The following RBBP6 variants were observed in gnomAD, a reference collection of about 807,000 sequenced individuals.
RBBP6 encodes the protein E3 ubiquitin-protein ligase RBBP6.
In RBBP6, 25 loss-of-function variants were observed where a neutral mutation model predicts 167.7. The observed-to-expected ratio is 0.15, with a 90% confidence interval of 0.11 to 0.21. The LOEUF is 0.21. Among genes scored for constraint, RBBP6 ranks in the 10% least tolerant of loss-of-function variants. The pLI is 1.00. For missense variants in RBBP6, 1,868 were observed against 2,134.2 expected (o/e 0.88, Z 2.46); for synonymous variants, 789 against 735.8 (o/e 1.07, Z -1.17).
rs769052016 is a variant in RBBP6 at position 24,567,323 on chromosome 16, C to T, written c.1770C>T (p.Gly590=). ...AGTTTTCTCCTCAGTTTCCTCCTGG[C>T]CAGCCACCACCCGCTGGGTATAGTG... The part of the protein sequence containing the change: ...PPQFSPQFPP[G]QPPPAGYSVP... The change falls in exon 15 of 18, where the codon GGC becomes GGT. Residue 590 remains glycine, a synonymous_variant. Transcript: ENST00000319715. The T allele has an allele frequency of 1.9e-6, 3 of 1,614,024 alleles. No individual in the cohort carries two copies. In the South Asian group the frequency reaches 3.3e-5, roughly 18 times the overall value.
chr16:24,545,111 C>T (rs1023860286), intron 1 of RBBP6, among the ~76,000 whole-genome samples: 2 of 152,036 alleles, frequency 1.3e-5, no homozygotes, highest in African/African-American at 4.8e-5. Context: ...CAGAGTCTTG[C>T]TCTGTCACCA....
At chr16:24,563,054 T>G in intron 10 of RBBP6, 145 bp from the exon 11 acceptor site, 1 of 583,076 alleles carries the variant, frequency 1.7e-6, no homozygotes. Flanking sequence ...AGTTTCAGCC[T>G]TCTCTCACTT....
chr16:24,567,512 A>G lies in RBBP6; in HGVS notation c.1952+7A>G. On this transcript the variant is annotated splice_region_variant and intron_variant, in intron 15 of 17. Coordinates refer to ENST00000319715, the MANE Select transcript of RBBP6 (RefSeq NM_006910.5). ...AGCGACGACTAAAAGAAGAGTATGT[A>G]TTCTAATTTGAAATTATTATACACT... 1 of 1,587,250 alleles carries G rather than the reference A, an allele frequency of 6.3e-7. No individual in the cohort carries two copies. The highest frequency in any genetic ancestry group is 8.6e-7 in the Non-Finnish European group (1 of 1,167,414).
intron 7 of RBBP6, among the ~76,000 whole-genome samples, chr16:24,558,873 C>T (rs9926381): frequency 6.4e-4 from 97 of 152,136 alleles, no homozygotes; most frequent in African/African-American, 2.0e-3. Context: ...AATTGATTAA[C>T]CTCTCTTAAA....
rs1319101177 is a variant in RBBP6, at chr16:24,562,144, A to C, written c.1272A>C (p.Lys424Asn). The C allele has an allele frequency of 6.2e-7, 1 of 1,608,932 alleles. No individual in the cohort carries two copies. Among genetic ancestry groups the C allele is most frequent in the African/African-American group, 1.3e-5 (1 of 74,824 alleles). The change falls in exon 10 of 18, where the codon AAA (lysine) becomes AAC (asparagine). Residue 424 changes from lysine to asparagine, a missense_variant. Coordinates refer to ENST00000319715, the MANE Select transcript of RBBP6 (RefSeq NM_006910.5). ...TATCCATATCAGTTCATTCAGAAAA[A>C]TCAGATGGACCTTTTCGGTAAGCCT... ...ATVSISVHSE[K>N]SDGPFRDSDN...
In RBBP6 at chr16:24,571,792, G is replaced by T; in HGVS notation, c.4726G>T (p.Ala1576Ser). 6.2e-7 allele frequency: 1 copy of T among 1,613,926 alleles called. No individual in the cohort carries two copies. Among genetic ancestry groups the T allele is most frequent in the Non-Finnish European group, 8.5e-7 (1 of 1,179,874 alleles). The change falls in exon 18 of 18, where the codon GCA (alanine) becomes TCA (serine). Residue 1576 changes from alanine to serine, a missense_variant. Around this residue, in one of 7 missense-constraint regions of RBBP6, gnomAD observed 591 missense variants for 540.5 expected, o/e 1.09. Coordinates refer to ENST00000319715, the MANE Select transcript of RBBP6 (RefSeq NM_006910.5). The stretch of plus-strand genomic sequence containing the variant: ...GGATCGTGAGAAGCATGTATTAGAA[G>T]CAAGGAACAATAAAGAGTCAAGTGG... The part of the protein sequence containing the change: ...CKDREKHVLE[A>S]RNNKESSGNK...
At position 24,571,039 on chromosome 16, in the gene RBBP6, G is replaced by A. The variant is rs903913094; in HGVS notation, c.3973G>A (p.Asp1325Asn). The change falls in exon 18 of 18, where the codon GAC (aspartate) becomes AAC (asparagine). Residue 1325 changes from aspartate to asparagine, a missense_variant. Asp to Asn is a conservative substitution (Grantham distance 23, BLOSUM62 1). Coordinates refer to ENST00000319715, the MANE Select transcript of RBBP6 (RefSeq NM_006910.5). ...TCCTCAATCCAAATGGGATAAAGAT[G>A]ACTTTGAATCTGAAGAAGAAGATGT... ...QVPQSKWDKD[D>N]FESEEEDVKS... is the part of the protein sequence containing the mutation. 2.5e-6 allele frequency: 4 copies of A among 1,612,248 alleles called. No homozygotes were observed. The highest frequency in any genetic ancestry group is 1.3e-5 in the African/African-American group (1 of 74,862).
In RBBP6 at chr16:24,563,312, C is replaced by A; in HGVS notation, c.1386+17C>A. 1 of 1,584,414 alleles carries A rather than the reference C, an allele frequency of 6.3e-7. No individual in the cohort carries two copies. Among genetic ancestry groups the A allele is most frequent in the Non-Finnish European group, 8.6e-7 (1 of 1,165,104 alleles). ...GAAGAGAAGGTAAATTTTACTGGTG[C>A]TTTAATTTGGGATTTTTTTTACAGC... On this transcript the variant is annotated intron_variant, in intron 11 of 17. Transcript: ENST00000319715.
In RBBP6 at chr16:24,540,454, ATTG is replaced by A. The variant is rs1898457050; in HGVS notation, c.-170_-168del. The A allele has an allele frequency of 3.6e-6, 2 of 548,972 alleles. No individual in the cohort carries two copies. Among genetic ancestry groups the A allele is most frequent in the Non-Finnish European group, 6.2e-6 (2 of 321,240 alleles). The allele number at this position is 548,972 out of a possible 1,614,324, so 34.0% of individuals were successfully genotyped here. Reference sequence around the variant, plus strand: ...CTGAGTATCGGGGGGTCTCTGGATTATTGTTCTGACGAACCCCTGCTTGTGGTT... The same window carrying A: ...CTGAGTATCGGGGGGTCTCTGGATTATTCTGACGAACCCCTGCTTGTGGTT... On this transcript the variant is annotated 5_prime_UTR_variant, in exon 1 of 18. Coordinates refer to ENST00000319715, the MANE Select transcript of RBBP6 (RefSeq NM_006910.5).
chr16:24,541,028 C>T (rs1898472074), intron 1 of RBBP6, among the ~76,000 whole-genome samples: 1 of 151,742 alleles, frequency 6.6e-6, no homozygotes, highest in Non-Finnish European at 1.5e-5. Flanking sequence ...AACGTGGAAG[C>T]CTGATTATTC....
chr16:24,555,996 GT>G (rs1898903940), intron 6 of RBBP6, 79 bp downstream of exon 6: 2 of 1,297,486 alleles, frequency 1.5e-6, no homozygotes, highest in African/African-American at 3.0e-5. Context: ...ATTTTTCTTG[GT>G]TAATACTGCC....
At chr16:24,558,598 C>A in intron 7 of RBBP6, 1 of 755,986 alleles carries the variant, frequency 1.3e-6, no homozygotes, top group African/African-American at 1.9e-5. Flanking sequence ...CACTCTGTTC[C>A]TGAATGAAAT....
At chr16:24,558,619 T>C (rs922324037) in intron 7 of RBBP6, 6 of 647,856 alleles carry the variant, frequency 9.3e-6, no homozygotes, top group Non-Finnish European at 1.2e-5. Context: ...AGAAAGGGTT[T>C]CTCTAGGGAT....
chr16:24,540,680 C>G lies in RBBP6; in HGVS notation c.54C>G (p.Thr18=). The G allele has an allele frequency of 6.2e-7, 1 of 1,614,158 alleles. No individual in the cohort carries two copies. The highest frequency in any genetic ancestry group is 1.1e-5 in the South Asian group (1 of 91,082). ...FSSKLNYDTV[T]FDGLHISLCD... is the part of the protein sequence containing the mutation. ...CTAAACTCAACTATGATACCGTCACCTTTGATGGGCTCCACATCTCCCTCT... is the reference window on the plus strand; with the variant it reads ...CTAAACTCAACTATGATACCGTCACGTTTGATGGGCTCCACATCTCCCTCT... Residue 18 remains threonine (T), a synonymous_variant, in exon 1 of 18, where the codon ACC becomes ACG. Coordinates refer to ENST00000319715, the MANE Select transcript of RBBP6 (RefSeq NM_006910.5).
chr16:24,571,853 C>G lies in RBBP6; in HGVS notation c.4787C>G (p.Thr1596Arg), dbSNP rs1263589063. ...KLLYILNPPETQVEKEQITGQ... is the reference protein window; with the variant it reads ...KLLYILNPPERQVEKEQITGQ... ...CTTTATATACTTAACCCACCAGAGACACAGGTTGAAAAAGAGCAAATTACT... is the reference window on the plus strand; with the variant it reads ...CTTTATATACTTAACCCACCAGAGAGACAGGTTGAAAAAGAGCAAATTACT... Residue 1596 changes from threonine to arginine, a missense_variant, in exon 18 of 18, where the codon ACA (threonine) becomes AGA (arginine). By Grantham distance (71) the Thr-to-Arg change is moderately conservative. Coordinates refer to ENST00000319715, the MANE Select transcript of RBBP6 (RefSeq NM_006910.5). The G allele has an allele frequency of 4.3e-6, 7 of 1,614,140 alleles. No individual in the cohort carries two copies. The South Asian group carries it at 5.5e-5, about 13-fold the overall frequency.
Position 24,555,719 on chromosome 16 carries a change from T to A in RBBP6, c.437+16T>A. 1 of 1,608,390 alleles carries A rather than the reference T, an allele frequency of 6.2e-7. No homozygotes were observed. The highest frequency in any genetic ancestry group is 1.7e-4 in the Middle Eastern group (1 of 6,042). The stretch of plus-strand genomic sequence containing the variant: ...ACCCAATCAAGTAAGTTCATAAATA[T>A]TTTATACTAATAGGAACTTTTGGGG... On this transcript the variant is annotated intron_variant, in intron 5 of 17. Coordinates refer to ENST00000319715, the MANE Select transcript of RBBP6 (RefSeq NM_006910.5).
chr16:24,559,297 T>G (rs774306742), intron 7 of RBBP6, among the ~76,000 whole-genome samples: 1 of 152,174 alleles, frequency 6.6e-6, no homozygotes, highest in African/African-American at 2.4e-5. Flanking sequence ...TTTCTTTGCT[T>G]CTTTTTGTTA....
intron 1 of RBBP6, among the ~76,000 whole-genome samples, chr16:24,545,699 T>G (rs1299624081): frequency 6.6e-6 from 1 of 152,232 alleles, no homozygotes; most frequent in Non-Finnish European, 1.5e-5. Context: ...TATTCATTCC[T>G]TATTAGAAAA....
At position 24,559,613 on chromosome 16, in the gene RBBP6, C is replaced by T; in HGVS notation, c.783C>T (p.Ile261=). ...TCCCAGATGAATTGTTGTGTCTCAT[C>T]TGCAAGGATATTATGACTGATGCTG... ...DPIPDELLCL[I]CKDIMTDAVV... is the part of the protein sequence containing the mutation. The change falls in exon 8 of 18, where the codon ATC becomes ATT. Residue 261 remains isoleucine (I), a synonymous_variant. Transcript: ENST00000319715. 1 of 1,604,884 alleles carries T rather than the reference C, an allele frequency of 6.2e-7. No homozygotes were observed. The highest frequency in any genetic ancestry group is 1.7e-5 in the Admixed American group (1 of 59,162).
Sources: allele counts gnomAD v4.1 joint callset (sites outside exome capture counted in the v4.1 genomes callset), GRCh38; gene constraint gnomAD v4.1.1; regional missense constraint gnomAD v4.1.1; transcripts MANE v1.5; gene names NCBI Gene and HGNC (gene_info 2026-07-23, HGNC 2026-07-21).